The following COLEC11 variants were observed in gnomAD, a reference collection of about 807,000 sequenced individuals.
COLEC11 encodes the protein collectin subfamily member 11, also known as collectin-11.
Under a neutral mutation model 27.3 loss-of-function variants are expected in COLEC11, and 20 were observed. The ratio of observed to expected loss-of-function variants is 0.73; its 90% confidence interval spans 0.51 to 1.06. The LOEUF (loss-of-function observed/expected upper bound fraction) is 1.06, where lower values mean the gene tolerates loss of function less well. COLEC11 is among the 50% of genes least tolerant of loss of function. The pLI is 0.00. For synonymous variants in COLEC11, 163 were observed against 154.7 expected (o/e 1.05, Z -0.40); for missense variants, 310 against 383.0 (o/e 0.81, Z 1.59).
intron 3 of COLEC11, among the ~76,000 whole-genome samples, chr2:3,636,627 G>A (rs916310480): frequency 6.6e-6 from 1 of 152,224 alleles, no homozygotes; most frequent in Non-Finnish European, 1.5e-5. Flanking sequence ...CAGGTTGCCT[G>A]TTTCTTTTCC....
intron 1 of COLEC11, among the ~76,000 whole-genome samples, chr2:3,599,560 G>C (rs772774179): frequency 6.6e-6 from 1 of 152,204 alleles, no homozygotes; most frequent in African/African-American, 2.4e-5. Flanking sequence ...ATTAATTACC[G>C]CTGCAATCCC....
intron 3 of COLEC11, among the ~76,000 whole-genome samples, chr2:3,618,178 A>G (rs1230147825): frequency 1.3e-5 from 2 of 152,220 alleles, no homozygotes; most frequent in African/African-American, 4.8e-5. Context: ...TTTGCTATGC[A>G]GAAACTTGTT....
intron 2 of COLEC11, 121 bp from the exon 3 acceptor site, chr2:3,613,190 A>G (rs1307733082): frequency 1.9e-6 from 2 of 1,040,690 alleles, no homozygotes. Context: ...TAGGGAGAGA[A>G]GGGGCTTGGC....
intron 3 of COLEC11, among the ~76,000 whole-genome samples, chr2:3,631,189 C>G (rs1356852142): frequency 6.6e-6 from 1 of 151,676 alleles, no homozygotes; most frequent in Non-Finnish European, 1.5e-5. Flanking sequence ...CAAGATTGCA[C>G]TACTGCACTC....
At chr2:3,639,967 C>T (rs1665724760) in intron 4 of COLEC11, among the ~76,000 whole-genome samples, 1 of 152,218 alleles carries the variant, frequency 6.6e-6, no homozygotes, top group Non-Finnish European at 1.5e-5. Context: ...AGTGGCCACT[C>T]ACTCATGGCA....
Position 3,644,139 on chromosome 2 carries a change from A to T in COLEC11, c.*21A>T, listed in dbSNP as rs1026486248. On this transcript the variant is annotated 3_prime_UTR_variant, in exon 7 of 7. Coordinates refer to ENST00000349077, the MANE Select transcript of COLEC11 (RefSeq NM_024027.5). The stretch of plus-strand genomic sequence containing the variant: ...TGTGAGCCTCAGGCTGGGGCTGCCC[A>T]TTGGGGGCCCCACATGTCCCTGCAG... 2 of 1,604,050 alleles carry T rather than the reference A, an allele frequency of 1.2e-6. No individual in the cohort carries two copies. The highest frequency in any genetic ancestry group is 1.1e-5 in the South Asian group (1 of 91,078).
chr2:3,636,852 A>G (rs1214143106), intron 3 of COLEC11, among the ~76,000 whole-genome samples: 1 of 151,968 alleles, frequency 6.6e-6, no homozygotes, highest in Non-Finnish European at 1.5e-5. Context: ...ATCCCGTGGG[A>G]TCTTGGTGTC....
rs1666120167 is a variant in COLEC11 at position 3,644,435 on chromosome 2, A to G, written c.*317A>G. The G allele has an allele frequency of 3.6e-6, 2 of 549,706 alleles. No homozygotes were observed. Among genetic ancestry groups the G allele is most frequent in the Non-Finnish European group, 6.9e-6 (2 of 290,004 alleles). The allele number at this position is 549,706 out of a possible 1,614,324, so 34.1% of individuals were successfully genotyped here. On this transcript the variant is annotated 3_prime_UTR_variant, in exon 7 of 7. Transcript: ENST00000349077. ...TCCAAGCTATACAATAAAATCTTTA[A>G]GTAGTGCAGTAGTTAAGTCCAAATA...
chr2:3,631,076 C>T (rs1572454105), intron 3 of COLEC11, among the ~76,000 whole-genome samples: 1 of 151,990 alleles, frequency 6.6e-6, no homozygotes, highest in African/African-American at 2.4e-5. Flanking sequence ...ACTAAAAATA[C>T]AAAAATTAGC....
intron 3 of COLEC11, chr2:3,617,398 G>T (rs1336163197): frequency 7.9e-6 from 7 of 887,366 alleles, no homozygotes; most frequent in East Asian, 2.5e-5. Flanking sequence ...GGCCTTCGTT[G>T]TCCGTAGTTC....
intron 3 of COLEC11, among the ~76,000 whole-genome samples, chr2:3,615,966 G>A (rs1238864591): frequency 6.6e-6 from 1 of 151,706 alleles, no homozygotes; most frequent in Admixed American, 6.6e-5. Context: ...CCCAGACGGG[G>A]CGGCTGCTGG....
At chr2:3,643,602 G>C (rs774066821) in intron 6 of COLEC11, 63 bp downstream of exon 6, 2 of 1,597,044 alleles carry the variant, frequency 1.3e-6, no homozygotes, top group Non-Finnish European at 1.7e-6. Flanking sequence ...TGAGCCCCCC[G>C]GCAAGGGCTC....
chr2:3,595,163 G>C lies in COLEC11; in HGVS notation c.-32G>C, dbSNP rs1420099860. 3 of 344,666 alleles carry C rather than the reference G, an allele frequency of 8.7e-6. No individual in the cohort carries two copies. Among genetic ancestry groups the C allele is most frequent in the African/African-American group, 6.5e-5 (3 of 45,978 alleles). 21.4% of individuals were successfully genotyped at this position (344,666 alleles called of 1,614,324 possible). On this transcript the variant is annotated 5_prime_UTR_variant, in exon 1 of 7. Transcript: ENST00000349077. ...AGGACGCCCCGTTCGCCTAGCGCGT[G>C]CTCAGGTAGGAGACTCTGCCCGGGG...
chr2:3,607,609 C>T (rs1042971574), intron 2 of COLEC11, among the ~76,000 whole-genome samples: 6 of 151,788 alleles, frequency 4.0e-5, no homozygotes, highest in African/African-American at 7.3e-5. Context: ...CATCAACGCC[C>T]GGCTAATTTT....
At position 3,602,055 on chromosome 2, in the gene COLEC11, T is replaced by C. The variant is rs1662270267; in HGVS notation, c.-26-2260T>C. On this transcript the variant is annotated intron_variant, in intron 1 of 6. Coordinates refer to ENST00000349077, the MANE Select transcript of COLEC11 (RefSeq NM_024027.5). This position sits in a 1 kb window ranked among gnomAD's most constrained non-coding sequence, Gnocchi z 6.2. Reference sequence around the variant, plus strand: ...TCTCGCCAGCCAGAGGCGGGGTCTCTGTAGACTCCATGGGGCCCTGGCTTT... The same window carrying C: ...TCTCGCCAGCCAGAGGCGGGGTCTCCGTAGACTCCATGGGGCCCTGGCTTT... 6.6e-6 allele frequency: 1 copy of C among 152,318 alleles called. No individual in the cohort carries two copies. Among genetic ancestry groups the C allele is most frequent in the Non-Finnish European group, 1.5e-5 (1 of 68,128 alleles). 9.4% of individuals were successfully genotyped at this position (152,318 alleles called of 1,614,324 possible). A position where few individuals can be genotyped will look rare whatever the true frequency, so the allele number is the denominator to read the frequency against.
intron 3 of COLEC11, among the ~76,000 whole-genome samples, chr2:3,620,106 T>C (rs116617680): frequency 0.016 from 2,389 of 152,266 alleles, 63 homozygotes; most frequent in African/African-American, 0.055. Flanking sequence ...TTCTCTCCTC[T>C]TCAATTTTTT....
chr2:3,641,640 A>C (rs1232621668), intron 5 of COLEC11, among the ~76,000 whole-genome samples: 2 of 152,212 alleles, frequency 1.3e-5, no homozygotes, highest in Non-Finnish European at 2.9e-5. Flanking sequence ...ATCTTAGATA[A>C]AACTTCCATT....
At chr2:3,605,013 T>G (rs781332644) in intron 2 of COLEC11, 18 of 470,312 alleles carry the variant, frequency 3.8e-5, no homozygotes, top group South Asian at 1.1e-4. Flanking sequence ...CGGATAGAGA[T>G]AGTTCTGCAG....
rs532613294 is a variant in COLEC11, at chr2:3,616,467, A to C, written c.202+3085A>C. 3.5e-4 allele frequency among the ~76,000 whole-genome samples: 53 copies of C among 152,328 alleles called. 1 individual carries two copies. The highest frequency in any genetic ancestry group is 1.1e-3 in the African/African-American group (44 of 41,568). On this transcript the variant is annotated intron_variant, in intron 3 of 6. Coordinates refer to ENST00000349077, the MANE Select transcript of COLEC11 (RefSeq NM_024027.5). ...ACGCCACTGCACTCCAGCCTGGGCA[A>C]CATTGAGCACTGAGTGAACGAGACT...
Sources: gnomAD v4.1 joint callset for allele counts (sites outside exome capture counted in the v4.1 genomes callset) on GRCh38, gnomAD v4.1.1 for gene constraint, Gnocchi (gnomAD v3.1) non-coding constraint, MANE v1.5 for transcripts, NCBI Gene and HGNC (gene_info 2026-07-23, HGNC 2026-07-21) for gene names.